IL1RAPL1: variants seen among roughly 807,000 people sequenced by gnomAD.
IL1RAPL1 encodes the protein interleukin-1 receptor accessory protein-like 1.
IL1RAPL1 carries 3 observed loss-of-function variants against 48.4 expected under a neutral mutation model. The ratio of observed to expected loss-of-function variants is 0.06; its 90% CI spans 0.03 to 0.16. The LOEUF (loss-of-function observed/expected upper bound fraction) is 0.16, where lower values mean the gene tolerates loss of function less well. Among genes scored for constraint, IL1RAPL1 ranks in the 10% least tolerant of loss-of-function variants. The pLI, the probability that IL1RAPL1 is intolerant of heterozygous loss-of-function variation, is 1.00. For synonymous variants in IL1RAPL1, 185 were observed against 187.7 expected (o/e 0.99, Z 0.12); for missense variants, 349 against 530.6 (o/e 0.66, Z 3.36).
At chrX:29,174,991 G>A (rs113368688) in intron 2 of IL1RAPL1, among the ~76,000 whole-genome samples, 6,060 of 107,385 alleles carry the variant, frequency 0.056, 185 homozygotes, top group South Asian at 0.22. Context: ...GGGGAATGGC[G>A]TGAACCCGGG....
At chrX:29,313,292 C>T (rs1331285676) in intron 3 of IL1RAPL1, among the ~76,000 whole-genome samples, 7 of 107,659 alleles carry the variant, frequency 6.5e-5, no homozygotes, top group African/African-American at 1.0e-4. Flanking sequence ...TGTGTGCGCG[C>T]GCACATGCAT....
At chrX:29,916,903 GT>G (rs1292924308) in intron 6 of IL1RAPL1, among the ~76,000 whole-genome samples, 2 of 111,962 alleles carry the variant, frequency 1.8e-5, no homozygotes, top group African/African-American at 3.2e-5. Flanking sequence ...TTTTTAATGT[GT>G]TTTTCTACCT....
chrX:29,136,895 G>A (rs1929140159), intron 2 of IL1RAPL1, among the ~76,000 whole-genome samples: 1 of 111,477 alleles, frequency 9.0e-6, no homozygotes, highest in South Asian at 3.8e-4. Context: ...TGGGGCATTG[G>A]CCTAATATTA....
chrX:29,057,181 AATG>A (rs988274427), intron 2 of IL1RAPL1, among the ~76,000 whole-genome samples: 14 of 111,872 alleles, frequency 1.3e-4, no homozygotes, highest in African/African-American at 3.6e-4. Flanking sequence ...TTAAAATAAA[AATG>A]ATGACCTCAT....
chrX:28,658,428 G>T (rs1195068525), intron 1 of IL1RAPL1, among the ~76,000 whole-genome samples: 1 of 111,635 alleles, frequency 9.0e-6, no homozygotes, highest in Non-Finnish European at 1.9e-5. Flanking sequence ...TGGTGATCAG[G>T]CTGGTCTTAA....
At chrX:28,831,026 C>CTCTCTCTCTCTCTCTGTGTG (rs1438889606) in intron 2 of IL1RAPL1, among the ~76,000 whole-genome samples, 1 of 33,644 alleles carries the variant, frequency 3.0e-5, no homozygotes, top group Non-Finnish European at 4.9e-5. Context: ...CTCTCTCTCT[C>CTCTCTCTCTCTCTCTGTGTG]TGTGTGTGTG....
At chrX:28,855,333 T>C (rs1921777424) in intron 2 of IL1RAPL1, among the ~76,000 whole-genome samples, 1 of 111,131 alleles carries the variant, frequency 9.0e-6, no homozygotes, top group South Asian at 3.8e-4. Context: ...GTATCATTTT[T>C]AATTACTTCC....
intron 6 of IL1RAPL1, among the ~76,000 whole-genome samples, chrX:29,760,285 G>A (rs1035213381): frequency 1.9e-4 from 21 of 110,941 alleles, no homozygotes; most frequent in Non-Finnish European, 3.4e-4. Flanking sequence ...TTATTAGATC[G>A]GTTCTCAAAA....
chrX:28,634,315 TTA>T (rs201831285), intron 1 of IL1RAPL1, among the ~76,000 whole-genome samples: 2 of 108,132 alleles, frequency 1.8e-5, no homozygotes, highest in South Asian at 3.9e-4. Flanking sequence ...TTTTGGTTAT[TTA>T]TATATATATG....
chrX:29,057,060 G>C (rs375829945), intron 2 of IL1RAPL1, among the ~76,000 whole-genome samples: 1 of 111,471 alleles, frequency 9.0e-6, no homozygotes, highest in Non-Finnish European at 1.9e-5. Context: ...TCCTCGCAGC[G>C]GTGTGCACTT....
chrX:28,800,147 C>T (rs779280287), intron 2 of IL1RAPL1, among the ~76,000 whole-genome samples: 1 of 111,573 alleles, frequency 9.0e-6, no homozygotes, highest in South Asian at 3.8e-4. Context: ...TTCAGTTTTC[C>T]TTGGGTTGTA....
chrX:29,894,534 A>G (rs1932338432), intron 6 of IL1RAPL1, among the ~76,000 whole-genome samples: 1 of 112,307 alleles, frequency 8.9e-6, no homozygotes. Flanking sequence ...CAAAAATCCC[A>G]GTAGAACAAT....
chrX:29,434,367 A>G (rs886583437), intron 5 of IL1RAPL1, among the ~76,000 whole-genome samples: 36 of 110,680 alleles, frequency 3.3e-4, no homozygotes, highest in African/African-American at 1.1e-3. Flanking sequence ...AACAGATTTT[A>G]TGGAAAGGTA....
intron 2 of IL1RAPL1, among the ~76,000 whole-genome samples, chrX:29,171,294 A>G (rs924818869): frequency 2.7e-5 from 3 of 111,736 alleles, no homozygotes; most frequent in Admixed American, 9.6e-5. Flanking sequence ...GGTCATACCA[A>G]TTGTTTTTAA....
intron 2 of IL1RAPL1, among the ~76,000 whole-genome samples, chrX:29,105,965 C>A (rs1208407749): frequency 8.9e-6 from 1 of 111,968 alleles, no homozygotes; most frequent in African/African-American, 3.2e-5. Context: ...TACCTTCTAC[C>A]TAGAATATGT....
At chrX:28,721,283 A>G (rs1935574338) in intron 1 of IL1RAPL1, among the ~76,000 whole-genome samples, 1 of 111,931 alleles carries the variant, frequency 8.9e-6, no homozygotes, top group Non-Finnish European at 1.9e-5. Flanking sequence ...AATGATCGCC[A>G]TTCTAACTGG....
At chrX:29,493,111 A>G (rs1935175780) in intron 5 of IL1RAPL1, among the ~76,000 whole-genome samples, 1 of 112,013 alleles carries the variant, frequency 8.9e-6, no homozygotes, top group Non-Finnish European at 1.9e-5. Context: ...TGTTTATTTT[A>G]CAGAAAAAGA....
intron 6 of IL1RAPL1, among the ~76,000 whole-genome samples, chrX:29,809,641 C>T (rs1400266569): frequency 9.0e-6 from 1 of 110,860 alleles, no homozygotes; most frequent in Non-Finnish European, 1.9e-5. Flanking sequence ...TTAATGTAAG[C>T]CCCATGAAGG....
At chrX:28,788,569 C>A (rs964487863) in intron 1 of IL1RAPL1, among the ~76,000 whole-genome samples, 8 of 110,255 alleles carry the variant, frequency 7.3e-5, no homozygotes, top group African/African-American at 2.6e-4. Context: ...CAGGCTCAAG[C>A]CATCCTCCTA....
Sources: allele counts gnomAD v4.1 joint callset (sites outside exome capture counted in the v4.1 genomes callset), GRCh38; gene constraint gnomAD v4.1.1; transcripts MANE v1.5; gene names NCBI Gene and HGNC (gene_info 2026-07-23, HGNC 2026-07-21).